ERFL: variants seen among roughly 807,000 people sequenced by gnomAD.
The protein encoded by ERFL is ETS domain-containing transcription factor ERF-like.
A neutral mutation model predicts 27.9 loss-of-function variants in ERFL; 8 were observed. The observed-to-expected ratio is 0.29, with a 90% CI of 0.17 to 0.52. The LOEUF (loss-of-function observed/expected upper bound fraction) is 0.52. ERFL is among the 20% of genes least tolerant of loss of function. ERFL has a pLI of 0.97. For synonymous variants in ERFL, 174 were observed against 202.8 expected (o/e 0.86, Z 1.21); for missense variants, 294 against 444.4 (o/e 0.66, Z 3.04).
intron 2 of ERFL, among the ~76,000 whole-genome samples, chr19:41,911,202 A>G (rs73550610): frequency 0.21 from 32,685 of 152,032 alleles, 10,074 homozygotes; most frequent in African/African-American, 0.68. Flanking sequence ...TCCACTGTCC[A>G]CATACCCCCA....
rs781946964 is a variant in ERFL, at chr19:41,917,414, C to G, written c.-13-4482G>C. ...TTTGATTTCTCTAAGCTGCGCCGGC[C>G]GCCTCGGGAGCCGCCTCGGGCCTCG... is the stretch of plus-strand genomic sequence containing the variant. On this transcript the variant is annotated intron_variant, in intron 1 of 5. Transcript: ENST00000597630. This position sits in a 1 kb window ranked among gnomAD's most constrained non-coding sequence, Gnocchi z 4.8. Among the ~76,000 whole-genome samples the G allele has an allele frequency of 6.6e-6, 1 of 152,046 alleles. No individual in the cohort carries two copies. The highest frequency in any genetic ancestry group is 1.5e-5 in the Non-Finnish European group (1 of 67,994).
At chr19:41,912,588 C>A (rs1294788985) in intron 2 of ERFL, among the ~76,000 whole-genome samples, 1 of 152,146 alleles carries the variant, frequency 6.6e-6, no homozygotes, top group Non-Finnish European at 1.5e-5. Flanking sequence ...GCCTCGGGCC[C>A]CTCCGTCCTC....
chr19:41,925,092 GGAGGT>G (rs1196102660), intron 1 of ERFL, among the ~76,000 whole-genome samples: 1 of 152,146 alleles, frequency 6.6e-6, no homozygotes, highest in Non-Finnish European at 1.5e-5. Flanking sequence ...GCTGTTTTCA[GGAGGT>G]GACCCCTAGA....
At chr19:41,913,784 C>T (rs1555851501) in intron 1 of ERFL, among the ~76,000 whole-genome samples, 1 of 150,570 alleles carries the variant, frequency 6.6e-6, no homozygotes. Context: ...CTTTCCCCCT[C>T]TTATGGCGCC....
rs2074884053 is a variant in ERFL at position 41,928,305 on chromosome 19, G to C, written c.-279C>G. ...GAGCAGAGACGGGGAGATGCAGAGA[G>C]GGAGAGAGACAGCGAGATAGACGCG... On this transcript the variant is annotated 5_prime_UTR_variant, in exon 1 of 6. Coordinates refer to ENST00000597630, the MANE Select transcript of ERFL (RefSeq NM_001365103.2). 1 of 152,590 alleles carries C rather than the reference G, an allele frequency of 6.6e-6. No individual in the cohort carries two copies. Among genetic ancestry groups the C allele is most frequent in the Admixed American group, 6.5e-5 (1 of 15,274 alleles). The allele number at this position is 152,590 out of a possible 1,614,324, so 9.5% of individuals were successfully genotyped here.
rs1316883021 is a variant in ERFL, at chr19:41,908,318, G to A, written c.975C>T (p.Asp325=). 23 of 1,231,388 alleles carry A rather than the reference G, an allele frequency of 1.9e-5. No individual in the cohort carries two copies. The highest frequency in any genetic ancestry group is 3.1e-5 in the African/African-American group (2 of 64,386). 76.3% of individuals were successfully genotyped at this position (1,231,388 alleles called of 1,614,324 possible). The change falls in exon 6 of 6, where the codon GAC becomes GAT. Residue 325 remains aspartate (D), a synonymous_variant. Transcript: ENST00000597630. This position sits in a 1 kb window ranked among gnomAD's most constrained non-coding sequence, Gnocchi z 6.7. ...EDSDSELEIT[D]VSGCSSDSEG... ...CGCTGTCAGAGCTGCAGCCGCTGAC[G>A]TCGGTGATCTCCAGCTCCGAGTCGC...
In ERFL at chr19:41,928,013, CCTGCGCCGGCCGCGGCG is replaced by C. The variant is rs1302144922; in HGVS notation, c.-14+10_-14+26del. 2 of 152,226 alleles carry C rather than the reference CCTGCGCCGGCCGCGGCG, an allele frequency of 1.3e-5. No homozygotes were observed. The highest frequency in any genetic ancestry group is 2.9e-5 in the Non-Finnish European group (2 of 68,080). The allele number at this position is 152,226 out of a possible 1,614,324, so 9.4% of individuals were successfully genotyped here. On this transcript the variant is annotated intron_variant, in intron 1 of 5. Coordinates refer to ENST00000597630, the MANE Select transcript of ERFL (RefSeq NM_001365103.2). Reference sequence around the variant, plus strand: ...CGGGAATCCCCGCCCCCTCCCCGCCCCTGCGCCGGCCGCGGCGCTCACTCACTTTCTGGGCTTTTCGC... The same window carrying C: ...CGGGAATCCCCGCCCCCTCCCCGCCCCTCACTCACTTTCTGGGCTTTTCGC...
chr19:41,914,999 C>CCCTCCCTTTCCACCGTCT (rs1555851809), intron 1 of ERFL, among the ~76,000 whole-genome samples: 1 of 109,916 alleles, frequency 9.1e-6, no homozygotes. Flanking sequence ...CTCTGTCTCT[C>CCCTCCCTTTCCACCGTCT]CTGTCTCTGC....
intron 2 of ERFL, 128 bp downstream of exon 2, chr19:41,912,725 C>A: frequency 2.5e-6 from 1 of 406,140 alleles, no homozygotes; most frequent in Non-Finnish European, 4.3e-6. Flanking sequence ...GGGGGACTGA[C>A]CAAGACTGAG....
chr19:41,908,479 G>A lies in ERFL; in HGVS notation c.814C>T (p.Pro272Ser), dbSNP rs2074732048. ...GAGGCCAGCAGGGGCGTGGCTGTGG[G>A]GCCTCCCCCTGCCCCTGACGAGGGC... ...HLPSSGAGGGPTATPLLASTG... is the reference protein window; with the variant it reads ...HLPSSGAGGGSTATPLLASTG... The change falls in exon 6 of 6, where the codon CCC (proline) becomes TCC (serine). Residue 272 changes from proline (P) to serine (S), a missense_variant. Around this residue, in one of 3 missense-constraint regions of ERFL, gnomAD observed 246 missense variants for 371.4 expected, o/e 0.66. Coordinates refer to ENST00000597630, the MANE Select transcript of ERFL (RefSeq NM_001365103.2). The surrounding 1 kb of genome is among the most constrained non-coding windows in gnomAD (Gnocchi z 6.7). 1 of 1,231,468 alleles carries A rather than the reference G, an allele frequency of 8.1e-7. No individual in the cohort carries two copies. Among genetic ancestry groups the A allele is most frequent in the Non-Finnish European group, 1.0e-6 (1 of 987,894 alleles). The allele number at this position is 1,231,468 out of a possible 1,614,324, so 76.3% of individuals were successfully genotyped here. A position where few individuals can be genotyped will look rare whatever the true frequency, so the allele number is the denominator to read the frequency against.
At chr19:41,922,591 G>T (rs959758037) in intron 1 of ERFL, among the ~76,000 whole-genome samples, 1 of 152,274 alleles carries the variant, frequency 6.6e-6, no homozygotes, top group South Asian at 2.1e-4. Flanking sequence ...ACTGGGAACC[G>T]GAGAGAGACT....
At chr19:41,918,397 T>TA (rs1410702621) in intron 1 of ERFL, among the ~76,000 whole-genome samples, 1 of 126,192 alleles carries the variant, frequency 7.9e-6, no homozygotes, top group African/African-American at 3.2e-5. Flanking sequence ...CACATACACA[T>TA]ACCATATCAC....
intron 2 of ERFL, among the ~76,000 whole-genome samples, chr19:41,912,363 C>G (rs1310257121): frequency 2.0e-5 from 3 of 152,208 alleles, no homozygotes; most frequent in Non-Finnish European, 4.4e-5. Context: ...GTCTGACCAG[C>G]TTCACCGTCC....
chr19:41,909,015 T>C lies in ERFL; in HGVS notation c.616+45A>G, dbSNP rs782436324. On this transcript the variant is annotated intron_variant, in intron 5 of 5. Coordinates refer to ENST00000597630, the MANE Select transcript of ERFL (RefSeq NM_001365103.2). This position sits in a 1 kb window ranked among gnomAD's most constrained non-coding sequence, Gnocchi z 5.2. Reference sequence around the variant, plus strand: ...CATCCTCTTCCCTCAAGCCTGCAGCTTCTCCCACTGTGCCCCCAGCACCCC... The same window carrying C: ...CATCCTCTTCCCTCAAGCCTGCAGCCTCTCCCACTGTGCCCCCAGCACCCC... The C allele has an allele frequency of 8.8e-7, 1 of 1,130,782 alleles. No homozygotes were observed. Among genetic ancestry groups the C allele is most frequent in the Non-Finnish European group, 1.1e-6 (1 of 896,556 alleles). 70.0% of individuals were successfully genotyped at this position (1,130,782 alleles called of 1,614,324 possible).
At position 41,907,945 on chromosome 19, in the gene ERFL, G is replaced by A. The variant is rs1599669562; in HGVS notation, c.*283C>T. On this transcript the variant is annotated 3_prime_UTR_variant, in exon 6 of 6. Transcript: ENST00000597630. Reference sequence around the variant, plus strand: ...CATAGCACAGGGGTGGGCGGGCGGGGCAGGCTGGGCGCCATATTGCACTTT... The same window carrying A: ...CATAGCACAGGGGTGGGCGGGCGGGACAGGCTGGGCGCCATATTGCACTTT... 1.7e-5 allele frequency: 5 copies of A among 289,726 alleles called. No individual in the cohort carries two copies. Among genetic ancestry groups the A allele is most frequent in the Non-Finnish European group, 3.1e-5 (5 of 160,684 alleles). The allele number at this position is 289,726 out of a possible 1,614,324, so 17.9% of individuals were successfully genotyped here. A position where few individuals can be genotyped will look rare whatever the true frequency, so the allele number is the denominator to read the frequency against.
At chr19:41,919,375 C>T (rs997245004) in intron 1 of ERFL, among the ~76,000 whole-genome samples, 23 of 152,282 alleles carry the variant, frequency 1.5e-4, no homozygotes, top group African/African-American at 5.1e-4. Context: ...CACAAACATA[C>T]ACAATCAAAC....
At position 41,909,755 on chromosome 19, in the gene ERFL, G is replaced by C. The variant is rs2074741921; in HGVS notation, c.302+108C>G. ...ATGGTGGCTACTCACGCACAGCCCT[G>C]TGCCTTGTGGGATCCAGCAGGAACC... On this transcript the variant is annotated intron_variant, in intron 3 of 5. Coordinates refer to ENST00000597630, the MANE Select transcript of ERFL (RefSeq NM_001365103.2). This position sits in a 1 kb window ranked among gnomAD's most constrained non-coding sequence, Gnocchi z 5.2. 2.2e-5 allele frequency: 28 copies of C among 1,262,992 alleles called. No homozygotes were observed. Among genetic ancestry groups the C allele is most frequent in the Non-Finnish European group, 2.6e-5 (24 of 924,090 alleles). The allele number at this position is 1,262,992 out of a possible 1,614,324, so 78.2% of individuals were successfully genotyped here. A position where few individuals can be genotyped will look rare whatever the true frequency, so the allele number is the denominator to read the frequency against.
Position 41,910,092 on chromosome 19 carries a change from C to G in ERFL, c.73G>C (p.Ala25Pro). The G allele has an allele frequency of 6.2e-7, 1 of 1,612,282 alleles. No homozygotes were observed. Among genetic ancestry groups the G allele is most frequent in the Admixed American group, 1.7e-5 (1 of 59,912 alleles). The change falls in exon 3 of 6, where the codon GCC (alanine) becomes CCC (proline). Residue 25 changes from alanine (A) to proline (P), a missense_variant. Physicochemically the swap from Ala to Pro is conservative, Grantham distance 27 (BLOSUM62 -1). Around this residue, in one of 3 missense-constraint regions of ERFL, gnomAD observed 38 missense variants for 35.3 expected, o/e 1.08. Coordinates refer to ENST00000597630, the MANE Select transcript of ERFL (RefSeq NM_001365103.2). The surrounding 1 kb of genome is among the most constrained non-coding windows in gnomAD (Gnocchi z 4.4). ...ALPALWTPGF[A>P]FPDWAYKPES... is the part of the protein sequence containing the mutation. ...GGCTTGTAGGCCCAATCCGGGAAGG[C>G]AAACCCTGGGGACGGGAGGCAGGGA...
At chr19:41,919,993 C>G (rs1230545901) in intron 1 of ERFL, among the ~76,000 whole-genome samples, 1 of 137,830 alleles carries the variant, frequency 7.3e-6, no homozygotes, top group Non-Finnish European at 1.5e-5. Context: ...ACGTGACACA[C>G]CCAGACATGA....
Sources: gnomAD v4.1 joint callset for allele counts (sites outside exome capture counted in the v4.1 genomes callset) on GRCh38, gnomAD v4.1.1 for gene constraint, gnomAD v4.1.1 regional missense constraint, Gnocchi (gnomAD v3.1) non-coding constraint, MANE v1.5 for transcripts, NCBI Gene and HGNC (gene_info 2026-07-23, HGNC 2026-07-21) for gene names.